The following ATP8B4 variants were observed in gnomAD, a reference collection of about 807,000 sequenced individuals.
ATP8B4 encodes probable phospholipid-transporting ATPase IM.
In ATP8B4, 133 loss-of-function variants were observed where a neutral mutation model predicts 145.6. That is an observed-to-expected ratio of 0.91 (90% CI 0.79 to 1.05). ATP8B4 has a LOEUF of 1.05. Among genes scored for constraint, ATP8B4 ranks in the 50% least tolerant of loss-of-function variants. The pLI, the probability that ATP8B4 is intolerant of heterozygous loss-of-function variation, is 0.00. For missense variants in ATP8B4, 1,458 were observed against 1,425.2 expected (o/e 1.02, Z -0.37); for synonymous variants, 507 against 492.9 (o/e 1.03, Z -0.38).
chr15:49,864,836 A>G (rs1458639800), intron 26 of ATP8B4, among the ~76,000 whole-genome samples: 1 of 152,232 alleles, frequency 6.6e-6, no homozygotes, highest in African/African-American at 2.4e-5. Context: ...GTATTATTTC[A>G]TTTAATCCTC....
At chr15:50,136,780 A>C (rs914779326) in intron 1 of ATP8B4, among the ~76,000 whole-genome samples, 24 of 152,178 alleles carry the variant, frequency 1.6e-4, no homozygotes, top group Admixed American at 1.4e-3. Context: ...GCCACGCAGC[A>C]GCTGAACACC....
rs1392939680 is a variant in ATP8B4 at position 49,920,313 on chromosome 15, T to A, written c.1856A>T (p.Asn619Ile). 1.2e-6 allele frequency: 2 copies of A among 1,614,192 alleles called. No homozygotes were observed. The highest frequency in any genetic ancestry group is 2.2e-5 in the South Asian group (2 of 91,084). The change falls in exon 18 of 28, where the codon AAT (asparagine) becomes ATT (isoleucine). Residue 619 changes from asparagine to isoleucine, a missense_variant. Asn to Ile is a moderately radical substitution (Grantham distance 149). Transcript: ENST00000284509. ...TTCATCCCTCTCTTCTGTGGCAGCA[T>A]TCGCATCTTCAAGCATCTTATGCCA... ...KEWHKMLEDA[N>I]AATEERDERI...
At chr15:50,064,759 G>A (rs2153627195) in intron 3 of ATP8B4, among the ~76,000 whole-genome samples, 1 of 152,284 alleles carries the variant, frequency 6.6e-6, no homozygotes, top group Non-Finnish European at 1.5e-5. Context: ...AAGCATAGAG[G>A]CTTCTGCTTC....
At chr15:50,166,864 T>G (rs74375855) in intron 1 of ATP8B4, among the ~76,000 whole-genome samples, 1 of 152,098 alleles carries the variant, frequency 6.6e-6, no homozygotes, top group Non-Finnish European at 1.5e-5. Flanking sequence ...GGGGTTGGAA[T>G]GTTTCATAGT....
At chr15:50,128,998 G>A (rs1311289965) in intron 1 of ATP8B4, among the ~76,000 whole-genome samples, 1 of 152,184 alleles carries the variant, frequency 6.6e-6, no homozygotes, top group African/African-American at 2.4e-5. Flanking sequence ...AACCCGGGAG[G>A]TGGAGGTTGC....
intron 17 of ATP8B4, among the ~76,000 whole-genome samples, chr15:49,921,003 A>AAAT (rs1382915409): frequency 6.6e-6 from 1 of 152,208 alleles, no homozygotes; most frequent in African/African-American, 2.4e-5. Context: ...AGCTAAAAGT[A>AAAT]AATAATAAAT....
chr15:49,879,592 T>A, intron 23 of ATP8B4, 133 bp from the exon 24 acceptor site: 1 of 719,242 alleles, frequency 1.4e-6, no homozygotes, highest in South Asian at 2.0e-5. Context: ...ATGAATTCTT[T>A]CCTAGACCTG....
chr15:50,054,264 T>C (rs975502437), intron 3 of ATP8B4, among the ~76,000 whole-genome samples: 1 of 152,178 alleles, frequency 6.6e-6, no homozygotes, highest in African/African-American at 2.4e-5. Context: ...CCATCTCCAA[T>C]GCTTCGAGGT....
intron 6 of ATP8B4, among the ~76,000 whole-genome samples, chr15:50,030,191 T>C (rs2050327144): frequency 6.6e-6 from 1 of 152,166 alleles, no homozygotes; most frequent in Non-Finnish European, 1.5e-5. Flanking sequence ...TGAGTTTTTT[T>C]TTTCTTTCCA....
At chr15:49,923,135 A>G (rs899543805) in intron 17 of ATP8B4, among the ~76,000 whole-genome samples, 15 of 152,190 alleles carry the variant, frequency 9.9e-5, no homozygotes, top group African/African-American at 2.7e-4. Flanking sequence ...TTCTGTGGCT[A>G]CTACTCAGTT....
Position 50,087,285 on chromosome 15 carries a change from A to G in ATP8B4, c.29-13100T>C, listed in dbSNP as rs2055251242. Among the ~76,000 whole-genome samples, 3 of 129,928 alleles carry G rather than the reference A, an allele frequency of 2.3e-5. No homozygotes were observed. In the South Asian group the frequency reaches 6.6e-4, roughly 29 times the overall value. 85.2% of individuals were successfully genotyped at this position (129,928 alleles called of 152,430 possible). ...TATATGTATTATATATAATAGAATA[A>G]TATATAGATCTATATCTATTATATA... On this transcript the variant is annotated intron_variant, in intron 2 of 27. Coordinates refer to ENST00000284509, the MANE Select transcript of ATP8B4 (RefSeq NM_024837.4).
intron 2 of ATP8B4, among the ~76,000 whole-genome samples, chr15:50,081,167 G>A (rs1468201895): frequency 1.3e-5 from 2 of 150,586 alleles, no homozygotes; most frequent in Non-Finnish European, 2.9e-5. Flanking sequence ...TGGACCTTGA[G>A]ACAACAAGAG....
At chr15:50,147,924 A>G (rs1399644619) in intron 1 of ATP8B4, among the ~76,000 whole-genome samples, 1 of 152,242 alleles carries the variant, frequency 6.6e-6, no homozygotes, top group African/African-American at 2.4e-5. Flanking sequence ...TTGGGGCGTA[A>G]AAGAATATTT....
At position 50,047,386 on chromosome 15, in the gene ATP8B4, CCA is replaced by C; in HGVS notation, c.164_165del (p.Val55GlyfsTer44). 1 of 1,593,984 alleles carries C rather than the reference CCA, an allele frequency of 6.3e-7. No individual in the cohort carries two copies. The highest frequency in any genetic ancestry group is 8.6e-7 in the Non-Finnish European group (1 of 1,162,058). On this transcript the variant is annotated frameshift_variant, in exon 4 of 28. Coordinates refer to ENST00000284509, the MANE Select transcript of ATP8B4 (RefSeq NM_024837.4). LOFTEE classifies it high-confidence loss of function. ...AGAAGGCAAAGAAAATAGGCATTTGCCACTCTTTGGAACTGTTCAAATAAATT... is the reference window on the plus strand; with the variant it reads ...AGAAGGCAAAGAAAATAGGCATTTGCCTCTTTGGAACTGTTCAAATAAATT... ...PINLFEQFQRVANAYFLCLLI... is the reference protein window; with the variant it reads ...PINLFEQFQRXANAYFLCLLI...
chr15:50,073,438 G>A (rs1324203422), intron 3 of ATP8B4, among the ~76,000 whole-genome samples: 1 of 152,126 alleles, frequency 6.6e-6, no homozygotes, highest in Non-Finnish European at 1.5e-5. Context: ...TAGGTGCATA[G>A]CATTCCATGG....
intron 6 of ATP8B4, among the ~76,000 whole-genome samples, chr15:50,028,634 C>G (rs2050188765): frequency 6.6e-6 from 1 of 152,152 alleles, no homozygotes; most frequent in South Asian, 2.1e-4. Context: ...GTACCATATA[C>G]ATATGATTGC....
intron 6 of ATP8B4, among the ~76,000 whole-genome samples, chr15:50,038,339 T>A (rs535123956): frequency 1.2e-4 from 19 of 152,338 alleles, no homozygotes; most frequent in African/African-American, 4.6e-4. Context: ...TATTCCACTA[T>A]CAAGTGAATA....
intron 2 of ATP8B4, among the ~76,000 whole-genome samples, chr15:50,085,809 CATTTT>C (rs993152708): frequency 7.5e-6 from 1 of 134,090 alleles, no homozygotes; most frequent in African/African-American, 2.8e-5. Context: ...TTACGTATTT[CATTTT>C]ATTATATATA....
At chr15:49,910,090 C>T (rs1330594857) in intron 20 of ATP8B4, among the ~76,000 whole-genome samples, 5 of 151,124 alleles carry the variant, frequency 3.3e-5, no homozygotes, top group Non-Finnish European at 7.4e-5. Flanking sequence ...ATAAACAATA[C>T]AAAGAAATGA....
Sources: allele counts gnomAD v4.1 joint callset (sites outside exome capture counted in the v4.1 genomes callset), GRCh38; gene constraint gnomAD v4.1.1; transcripts MANE v1.5; gene names NCBI Gene and HGNC (gene_info 2026-07-23, HGNC 2026-07-21).